Variants in DPP10 observed in about 807,000 individuals in gnomAD.
The protein encoded by DPP10 is inactive dipeptidyl peptidase 10.
A neutral mutation model predicts 120.9 loss-of-function variants in DPP10; 33 were observed. The ratio of observed to expected loss-of-function variants is 0.27; its 90% CI spans 0.21 to 0.37. The LOEUF (loss-of-function observed/expected upper bound fraction) is 0.37. DPP10 is among the 10% of genes least tolerant of loss of function. The pLI, the probability that DPP10 is intolerant of heterozygous loss-of-function variation, is 1.00. For missense variants in DPP10, 816 were observed against 942.8 expected (o/e 0.87, Z 1.76); for synonymous variants, 337 against 326.1 (o/e 1.03, Z -0.36).
chr2:114,828,860 T>C (rs961292109), intron 1 of DPP10: 10 of 152,256 alleles, frequency 6.6e-5, no homozygotes, highest in African/African-American at 2.4e-4. Context: ...TGTATCTGAT[T>C]TTCTTTTCTT....
intron 19 of DPP10, among the ~76,000 whole-genome samples, chr2:115,811,572 G>A (rs1686652306): frequency 6.6e-6 from 1 of 152,106 alleles, no homozygotes; most frequent in Non-Finnish European, 1.5e-5. Context: ...TTCTGAAATC[G>A]CTGTGAACAA....
chr2:114,735,741 A>C (rs1169674456), intron 1 of DPP10, among the ~76,000 whole-genome samples: 1 of 152,046 alleles, frequency 6.6e-6, no homozygotes, highest in Non-Finnish European at 1.5e-5. Flanking sequence ...CTTTCTGAAA[A>C]AGAAGCACAT....
At chr2:115,151,206 G>A (rs2051526568) in intron 1 of DPP10, among the ~76,000 whole-genome samples, 1 of 152,028 alleles carries the variant, frequency 6.6e-6, no homozygotes, top group Non-Finnish European at 1.5e-5. Flanking sequence ...CTAAGATAAA[G>A]TGTTACTGTT....
intron 1 of DPP10, among the ~76,000 whole-genome samples, chr2:115,273,576 T>C (rs908191954): frequency 1.3e-5 from 2 of 152,178 alleles, no homozygotes; most frequent in Non-Finnish European, 2.9e-5. Flanking sequence ...GACCTCGTGA[T>C]CCGCCCGCCT....
At chr2:115,591,214 G>A (rs925335240) in intron 5 of DPP10, among the ~76,000 whole-genome samples, 1 of 152,160 alleles carries the variant, frequency 6.6e-6, no homozygotes, top group Non-Finnish European at 1.5e-5. Flanking sequence ...TGGTGTTTTA[G>A]TCATGAAGTC....
At chr2:115,286,526 A>ATATATTACATATATAATATATATATAT (rs10675008) in intron 1 of DPP10, among the ~76,000 whole-genome samples, 1 of 60,946 alleles carries the variant, frequency 1.6e-5, no homozygotes, top group African/African-American at 5.4e-5. Flanking sequence ...ATATATATAT[A>ATATATTACATATATAATATATATATAT]ATATATATAT....
chr2:114,820,326 C>A (rs749802226), intron 1 of DPP10, among the ~76,000 whole-genome samples: 20 of 152,268 alleles, frequency 1.3e-4, no homozygotes, highest in Non-Finnish European at 2.4e-4. Flanking sequence ...TATATGATAT[C>A]AACATCTATA....
intron 1 of DPP10, among the ~76,000 whole-genome samples, chr2:115,147,673 A>C (rs1267261052): frequency 1.3e-5 from 2 of 152,168 alleles, no homozygotes; most frequent in African/African-American, 4.8e-5. Context: ...TGTGAGACCC[A>C]AAAATATAAG....
chr2:115,406,439 T>C (rs2068514102), intron 3 of DPP10, among the ~76,000 whole-genome samples: 1 of 152,194 alleles, frequency 6.6e-6, no homozygotes, highest in African/African-American at 2.4e-5. Context: ...ATACTATTTA[T>C]AATAGAATAT....
chr2:115,357,429 A>G (rs1041236476), intron 3 of DPP10, among the ~76,000 whole-genome samples: 1 of 152,222 alleles, frequency 6.6e-6, no homozygotes, highest in Non-Finnish European at 1.5e-5. Flanking sequence ...TCTCCTTTGA[A>G]CCCATGTCTC....
At chr2:114,942,557 A>T (rs941901987) in intron 1 of DPP10, among the ~76,000 whole-genome samples, 5 of 147,616 alleles carry the variant, frequency 3.4e-5, no homozygotes, top group Admixed American at 6.8e-5. Flanking sequence ...TAGATTAGCC[A>T]TTTTTTTTTC....
intron 3 of DPP10, among the ~76,000 whole-genome samples, chr2:115,446,038 C>G (rs1162887505): frequency 6.6e-6 from 1 of 152,178 alleles, no homozygotes; most frequent in Non-Finnish European, 1.5e-5. Context: ...CTGTGCACCA[C>G]TGGGACTTGG....
chr2:114,468,595 T>C lies in DPP10; in HGVS notation c.60+25757T>C, dbSNP rs529984568. On this transcript the variant is annotated intron_variant, in intron 1 of 25. Transcript: ENST00000410059. Reference sequence around the variant, plus strand: ...TCATCCACAAAAGACCATTTAGCCTTAATGTATCTGAAATAGTGTACATTT... The same window carrying C: ...TCATCCACAAAAGACCATTTAGCCTCAATGTATCTGAAATAGTGTACATTT... 3.3e-5 allele frequency among the ~76,000 whole-genome samples: 5 copies of C among 152,268 alleles called. No individual in the cohort carries two copies. In the South Asian group the frequency reaches 1.0e-3, roughly 32 times the overall value.
intron 3 of DPP10, among the ~76,000 whole-genome samples, chr2:115,346,463 C>T (rs2063716962): frequency 6.6e-6 from 1 of 151,934 alleles, no homozygotes. Flanking sequence ...TATAGTGAGG[C>T]GATGCCATTC....
At chr2:115,520,658 C>T (rs973101059) in intron 4 of DPP10, among the ~76,000 whole-genome samples, 2 of 152,176 alleles carry the variant, frequency 1.3e-5, no homozygotes, top group African/African-American at 2.4e-5. Context: ...GTCCTTTATA[C>T]CAACTTGTAT....
At chr2:115,546,360 G>A (rs2079501202) in intron 5 of DPP10, among the ~76,000 whole-genome samples, 1 of 152,058 alleles carries the variant, frequency 6.6e-6, no homozygotes, top group Admixed American at 6.6e-5. Flanking sequence ...TTTTCCTTAT[G>A]CATATTCTGC....
At chr2:115,824,260 C>G (rs529909655) in intron 21 of DPP10, among the ~76,000 whole-genome samples, 158 of 152,098 alleles carry the variant, frequency 1.0e-3, no homozygotes, top group African/African-American at 3.6e-3. Flanking sequence ...TAATAAGGAG[C>G]TGGGATTTGG....
intron 1 of DPP10, among the ~76,000 whole-genome samples, chr2:114,894,905 A>G (rs947677663): frequency 1.3e-5 from 2 of 152,196 alleles, no homozygotes; most frequent in Non-Finnish European, 2.9e-5. Flanking sequence ...AGAAAAAATT[A>G]AATAGAGAAA....
chr2:115,820,799 A>ATGTGTGTGTGTG lies in DPP10; in HGVS notation c.1950+5096_1950+5107dup, dbSNP rs869085100. 3.2e-3 allele frequency among the ~76,000 whole-genome samples: 340 copies of ATGTGTGTGTGTG among 105,558 alleles called. 5 individuals are homozygous for ATGTGTGTGTGTG. Among genetic ancestry groups the ATGTGTGTGTGTG allele is most frequent in the East Asian group, 0.012 (52 of 4,316 alleles). 69.3% of individuals were successfully genotyped at this position (105,558 alleles called of 152,430 possible). On this transcript the variant is annotated intron_variant, in intron 21 of 25. Transcript: ENST00000410059. ...ATGGCTGAGTAGTATTCCATGGTGT[A>ATGTGTGTGTGTG]TGTGTGTGTGTGTGTGTGTGTGTGT...
Sources: gnomAD v4.1 joint callset for allele counts (sites outside exome capture counted in the v4.1 genomes callset) on GRCh38, gnomAD v4.1.1 for gene constraint, MANE v1.5 for transcripts, NCBI Gene and HGNC (gene_info 2026-07-23, HGNC 2026-07-21) for gene names.